The following HELQ variants were observed in gnomAD, a reference collection of about 807,000 sequenced individuals.
The protein encoded by HELQ is helicase POLQ-like.
In HELQ, 77 loss-of-function variants were observed where a neutral mutation model predicts 111.6. That is an observed-to-expected ratio of 0.69 (90% CI 0.57 to 0.83). The LOEUF is 0.83. Ranked by LOEUF, HELQ falls within the 40% of genes least tolerant of loss-of-function variation. The pLI is 0.00. For missense variants in HELQ, 1,200 were observed against 1,288.5 expected, an observed-to-expected ratio of 0.93 and a Z score of 1.05; for synonymous variants, 438 against 454.7, an observed-to-expected ratio of 0.96 and a Z score of 0.47.
rs763884425 is a variant in HELQ, at chr4:83,455,410, C to T, written c.284G>A (p.Gly95Glu). 19 of 1,612,736 alleles carry T rather than the reference C, an allele frequency of 1.2e-5. No individual in the cohort carries two copies. The highest frequency in any genetic ancestry group is 1.4e-5 in the Non-Finnish European group (16 of 1,178,904). The change falls in exon 1 of 18, where the codon GGG becomes GAG. Residue 95 changes from glycine (G) to glutamate (E), a missense_variant. By Grantham distance (98) the Gly-to-Glu change is moderately conservative (BLOSUM62 -2). This residue lies in a region of HELQ where 610 missense variants were observed against 607.1 expected (regional missense o/e 1.00). Coordinates refer to ENST00000295488, the MANE Select transcript of HELQ (RefSeq NM_133636.5). The part of the protein sequence containing the change: ...DLLRHMPTDR[G>E]VGDQPNDSEV... ...AGTCCTCCGTACCTGGTCTCCCACCCCTCTGTCAGTGGGCATGTGACGTAG... is the reference window on the plus strand; with the variant it reads ...AGTCCTCCGTACCTGGTCTCCCACCTCTCTGTCAGTGGGCATGTGACGTAG...
intron 3 of HELQ, among the ~76,000 whole-genome samples, chr4:83,448,187 G>A (rs529601962): frequency 6.6e-6 from 1 of 152,184 alleles, no homozygotes; most frequent in East Asian, 1.9e-4. Context: ...TCCAGCCTGG[G>A]CGACAGAGGG....
chr4:83,444,676 A>G (rs1227422437), intron 5 of HELQ, among the ~76,000 whole-genome samples: 1 of 152,196 alleles, frequency 6.6e-6, no homozygotes, highest in African/African-American at 2.4e-5. Context: ...CATTGCTCCT[A>G]TGTCTTGAAA....
chr4:83,416,592 C>T, intron 17 of HELQ, 139 bp downstream of exon 17: 1 of 834,942 alleles, frequency 1.2e-6, no homozygotes, highest in Non-Finnish European at 1.8e-6. Context: ...TATTTTTACT[C>T]ACAAATAAGA....
chr4:83,423,905 C>T (rs745748202), intron 14 of HELQ, among the ~76,000 whole-genome samples: 8 of 150,200 alleles, frequency 5.3e-5, no homozygotes, highest in Non-Finnish European at 7.4e-5. Context: ...GCGACAAGAG[C>T]GAGACTCTGT....
At chr4:83,448,073 G>C (rs1411001029) in intron 3 of HELQ, among the ~76,000 whole-genome samples, 2 of 151,854 alleles carry the variant, frequency 1.3e-5, no homozygotes, top group East Asian at 3.9e-4. Context: ...AGCCAGGCAT[G>C]GTGGCACACA....
At chr4:83,440,873 T>C (rs995059276) in intron 7 of HELQ, among the ~76,000 whole-genome samples, 2 of 152,220 alleles carry the variant, frequency 1.3e-5, no homozygotes, top group African/African-American at 4.8e-5. Flanking sequence ...CCTCACAATT[T>C]AGTAGCTGTT....
chr4:83,434,040 G>A (rs1480845060), intron 9 of HELQ, among the ~76,000 whole-genome samples: 2 of 150,228 alleles, frequency 1.3e-5, no homozygotes, highest in Non-Finnish European at 3.0e-5. Flanking sequence ...AGAGTTCTTA[G>A]AAATAAAAAA....
At chr4:83,449,958 A>C (rs192429113) in intron 2 of HELQ, among the ~76,000 whole-genome samples, 5 of 151,978 alleles carry the variant, frequency 3.3e-5, no homozygotes, top group African/African-American at 1.2e-4. Context: ...TGAGAACATA[A>C]ACTGCTAGAA....
chr4:83,437,223 A>C (rs1720507029), intron 8 of HELQ, 126 bp from the exon 9 acceptor site: 2 of 890,102 alleles, frequency 2.2e-6, no homozygotes, highest in Admixed American at 5.7e-5. Flanking sequence ...AGTTAAGTAC[A>C]TTAAATGTTC....
intron 17 of HELQ, among the ~76,000 whole-genome samples, chr4:83,408,250 C>G (rs562677402): frequency 5.9e-5 from 9 of 152,200 alleles, no homozygotes; most frequent in South Asian, 2.1e-4. Flanking sequence ...CGCTCCCCCC[C>G]ACCCGCCTTT....
At chr4:83,409,048 A>G (rs1442198521) in intron 17 of HELQ, among the ~76,000 whole-genome samples, 1 of 152,118 alleles carries the variant, frequency 6.6e-6, no homozygotes, top group African/African-American at 2.4e-5. Flanking sequence ...AAAATTTACA[A>G]TCTTGTAGGG....
At chr4:83,408,996 C>G (rs577935151) in intron 17 of HELQ, among the ~76,000 whole-genome samples, 44 of 152,150 alleles carry the variant, frequency 2.9e-4, no homozygotes, top group South Asian at 2.5e-3. Flanking sequence ...AAGGGAGGTG[C>G]CTTTTGGAAG....
At chr4:83,433,919 T>C (rs1720301605) in intron 9 of HELQ, among the ~76,000 whole-genome samples, 1 of 144,622 alleles carries the variant, frequency 6.9e-6, no homozygotes. Context: ...AGGCAGAGGT[T>C]GCAGTGAGCA....
chr4:83,413,119 T>C (rs1739187740), intron 17 of HELQ, among the ~76,000 whole-genome samples: 1 of 152,188 alleles, frequency 6.6e-6, no homozygotes, highest in African/African-American at 2.4e-5. Context: ...GCATGAAAGC[T>C]CTGTGCCACT....
chr4:83,423,272 T>TA (rs1413478614), intron 14 of HELQ, among the ~76,000 whole-genome samples: 3 of 151,300 alleles, frequency 2.0e-5, no homozygotes, highest in Non-Finnish European at 4.4e-5. Flanking sequence ...GTCTCTATTT[T>TA]AAAAAAAACT....
Position 83,454,590 on chromosome 4 carries a change from A to AT in HELQ, c.298-646dup, listed in dbSNP as rs1165924514. Among the ~76,000 whole-genome samples, 647 of 144,608 alleles carry AT rather than the reference A, an allele frequency of 4.5e-3. 4 individuals are homozygous for AT. Among genetic ancestry groups the AT allele is most frequent in the African/African-American group, 7.5e-3 (296 of 39,604 alleles). The allele number at this position is 144,608 out of a possible 152,430, so 94.9% of individuals were successfully genotyped here. A position where few individuals can be genotyped will look rare whatever the true frequency, so the allele number is the denominator to read the frequency against. On this transcript the variant is annotated intron_variant, in intron 1 of 17. Transcript: ENST00000295488. The stretch of plus-strand genomic sequence containing the variant: ...ACACCCGGCTAATTAAGAAAAAAAA[A>AT]TTTTTTTTTTTTTTTGTAGAGACTG...
chr4:83,417,978 A>G (rs536148160), intron 16 of HELQ, 115 bp downstream of exon 16: 1 of 515,242 alleles, frequency 1.9e-6, no homozygotes, highest in East Asian at 3.1e-5. Flanking sequence ...ATGACAAATG[A>G]GCAATTAAGG....
At position 83,455,609 on chromosome 4, in the gene HELQ, G is replaced by C. The variant is rs1194906524; in HGVS notation, c.85C>G (p.Pro29Ala). ...CCGGGCACGAGCTCGGCCGCGGTGG[G>C]AGCGCCAAAAATACACCCCAAGCTT... Reference protein sequence around the residue: ...RPSLGCIFGAPTAAELVPGDE... With the variant: ...RPSLGCIFGAATAAELVPGDE... Residue 29 changes from proline (P) to alanine (A), a missense_variant, in exon 1 of 18, where the codon CCC (proline) becomes GCC (alanine). By Grantham distance (27) the Pro-to-Ala change is conservative. Around this residue, in one of 3 missense-constraint regions of HELQ, gnomAD observed 610 missense variants for 607.1 expected, o/e 1.00. Transcript: ENST00000295488. 6.2e-7 allele frequency: 1 copy of C among 1,613,676 alleles called. No individual in the cohort carries two copies. The highest frequency in any genetic ancestry group is 8.5e-7 in the Non-Finnish European group (1 of 1,179,980).
intron 14 of HELQ, among the ~76,000 whole-genome samples, chr4:83,425,680 T>C (rs1719812706): frequency 6.6e-6 from 1 of 152,198 alleles, no homozygotes; most frequent in African/African-American, 2.4e-5. Flanking sequence ...GAAAGCCTAA[T>C]ATAGTTTCTA....
Sources: allele counts gnomAD v4.1 joint callset (sites outside exome capture counted in the v4.1 genomes callset), GRCh38; gene constraint gnomAD v4.1.1; regional missense constraint gnomAD v4.1.1; transcripts MANE v1.5; gene names NCBI Gene and HGNC (gene_info 2026-07-23, HGNC 2026-07-21).